MMP16: variants seen among roughly 807,000 people sequenced by gnomAD.
MMP16 encodes matrix metalloproteinase-16.
MMP16 carries 12 observed loss-of-function variants against 67.8 expected under a neutral mutation model. That is an observed-to-expected ratio of 0.18 (90% CI 0.11 to 0.29). The LOEUF (loss-of-function observed/expected upper bound fraction) is 0.29, where lower values mean the gene tolerates loss of function less well. Ranked by LOEUF, MMP16 falls within the 10% of genes least tolerant of loss-of-function variation. The pLI is 1.00. For missense variants in MMP16, 475 were observed against 765.7 expected (o/e 0.62, Z 4.48); for synonymous variants, 249 against 255.9 (o/e 0.97, Z 0.26).
intron 1 of MMP16, among the ~76,000 whole-genome samples, chr8:88,274,799 A>G (rs1422486805): frequency 6.6e-6 from 1 of 152,052 alleles, no homozygotes; most frequent in Non-Finnish European, 1.5e-5. Flanking sequence ...CAAAAAAGAG[A>G]TAATTACATG....
At position 88,075,800 on chromosome 8, in the gene MMP16, C is replaced by T. The variant is rs113992582; in HGVS notation, c.1084-1057G>A. 2.1e-3 allele frequency among the ~76,000 whole-genome samples: 324 copies of T among 152,060 alleles called. 1 individual carries two copies. Among genetic ancestry groups the T allele is most frequent in the Non-Finnish European group, 2.7e-3 (186 of 67,970 alleles). On this transcript the variant is annotated intron_variant, in intron 6 of 9. Transcript: ENST00000286614. Reference sequence around the variant, plus strand: ...TCACAAAAATACTTCCATTTTAATTCTCTGCTTTCTTTCTTGCTCTTTTCA... The same window carrying T: ...TCACAAAAATACTTCCATTTTAATTTTCTGCTTTCTTTCTTGCTCTTTTCA...
chr8:88,065,482 T>C (rs1227072463), intron 7 of MMP16, among the ~76,000 whole-genome samples: 1 of 152,074 alleles, frequency 6.6e-6, no homozygotes, highest in Non-Finnish European at 1.5e-5. Flanking sequence ...CAACATAAAA[T>C]ATTAATACTA....
chr8:88,262,765 G>A (rs1810406185), intron 1 of MMP16, among the ~76,000 whole-genome samples: 1 of 150,350 alleles, frequency 6.7e-6, no homozygotes, highest in Non-Finnish European at 1.5e-5. Context: ...CACTTTGGGA[G>A]GCCGAGGCGG....
intron 1 of MMP16, among the ~76,000 whole-genome samples, chr8:88,237,644 G>T (rs1809964657): frequency 6.9e-6 from 1 of 145,210 alleles, no homozygotes; most frequent in Admixed American, 7.1e-5. Context: ...GTGAGACTCC[G>T]ATTCAAAAAA....
chr8:88,281,514 T>C (rs891878114), intron 1 of MMP16, among the ~76,000 whole-genome samples: 2 of 152,234 alleles, frequency 1.3e-5, no homozygotes. Context: ...GAGATTGTTG[T>C]GGATGTTAAT....
At chr8:88,094,097 A>T (rs1808985162) in intron 6 of MMP16, among the ~76,000 whole-genome samples, 1 of 151,858 alleles carries the variant, frequency 6.6e-6, no homozygotes. Context: ...TTTTACATAT[A>T]ACATAACTAC....
intron 4 of MMP16, among the ~76,000 whole-genome samples, chr8:88,165,725 C>T (rs1352799914): frequency 1.3e-5 from 2 of 152,004 alleles, no homozygotes; most frequent in East Asian, 1.9e-4. Context: ...GTATAGAGTA[C>T]GTTAAACATG....
At chr8:88,310,302 G>A (rs1811275714) in intron 1 of MMP16, among the ~76,000 whole-genome samples, 1 of 152,054 alleles carries the variant, frequency 6.6e-6, no homozygotes, top group Admixed American at 6.6e-5. Context: ...TCATATGATG[G>A]AGATGATTTT....
intron 1 of MMP16, among the ~76,000 whole-genome samples, chr8:88,298,683 T>C (rs1304499701): frequency 6.6e-6 from 1 of 152,204 alleles, no homozygotes; most frequent in Non-Finnish European, 1.5e-5. Context: ...CTCTGCTCCA[T>C]GGCACAGGAA....
In MMP16 at chr8:88,041,957, T is replaced by C. The variant is rs532350559; in HGVS notation, c.1490-162A>G. Reference sequence around the variant, plus strand: ...TTTTCAGCTCAGCTGTCTGTTAAGATGGCTGTGGCTGCTGTGCTCCAGGAA... The same window carrying C: ...TTTTCAGCTCAGCTGTCTGTTAAGACGGCTGTGGCTGCTGTGCTCCAGGAA... On this transcript the variant is annotated intron_variant, in intron 9 of 9. Transcript: ENST00000286614. This position sits in a 1 kb window ranked among gnomAD's most constrained non-coding sequence, Gnocchi z 6.0. Among the ~76,000 whole-genome samples, 1 of 152,334 alleles carries C rather than the reference T, an allele frequency of 6.6e-6. No individual in the cohort carries two copies. The highest frequency in any genetic ancestry group is 2.4e-5 in the African/African-American group (1 of 41,584).
intron 1 of MMP16, among the ~76,000 whole-genome samples, chr8:88,320,474 A>G (rs1195816182): frequency 2.0e-5 from 3 of 152,158 alleles, no homozygotes; most frequent in African/African-American, 7.2e-5. Context: ...GAGAAATGTA[A>G]AGCATTCCTG....
chr8:88,045,799 C>A (rs574101980), intron 9 of MMP16, among the ~76,000 whole-genome samples: 1 of 152,084 alleles, frequency 6.6e-6, no homozygotes, highest in African/African-American at 2.4e-5. Context: ...CAAGAGATGC[C>A]TATTTTTGCT....
intron 1 of MMP16, among the ~76,000 whole-genome samples, chr8:88,229,139 G>A (rs971970781): frequency 6.6e-6 from 1 of 152,056 alleles, no homozygotes; most frequent in African/African-American, 2.4e-5. Context: ...ATGGAAAAAT[G>A]CAAAGGAAGA....
intron 4 of MMP16, among the ~76,000 whole-genome samples, chr8:88,135,634 A>C (rs1049005313): frequency 4.6e-5 from 7 of 151,906 alleles, no homozygotes; most frequent in Admixed American, 4.6e-4. Flanking sequence ...CATAACAGAC[A>C]TATAAAGAGG....
chr8:88,284,349 T>C (rs1480195024), intron 1 of MMP16, among the ~76,000 whole-genome samples: 1 of 152,188 alleles, frequency 6.6e-6, no homozygotes, highest in Non-Finnish European at 1.5e-5. Context: ...ATATCAAATA[T>C]GTCCATACCT....
Position 88,034,761 on chromosome 8 carries a change from C to A in MMP16, c.*6700G>T, listed in dbSNP as rs1274481022. On this transcript the variant is annotated 3_prime_UTR_variant, in exon 10 of 10. Coordinates refer to ENST00000286614, the MANE Select transcript of MMP16 (RefSeq NM_005941.5). ...ATTATGTAACGGCAAATGAAACATGCATCCTAGTGACTTTTCAAATAGACA... is the reference window on the plus strand; with the variant it reads ...ATTATGTAACGGCAAATGAAACATGAATCCTAGTGACTTTTCAAATAGACA... 6.6e-6 allele frequency: 1 copy of A among 151,900 alleles called. No individual in the cohort carries two copies. Among genetic ancestry groups the A allele is most frequent in the African/African-American group, 2.4e-5 (1 of 41,364 alleles). 9.4% of individuals were successfully genotyped at this position (151,900 alleles called of 1,614,324 possible). A position where few individuals can be genotyped will look rare whatever the true frequency, so the allele number is the denominator to read the frequency against.
At chr8:88,214,293 T>C (rs1809554927) in intron 1 of MMP16, among the ~76,000 whole-genome samples, 1 of 152,206 alleles carries the variant, frequency 6.6e-6, no homozygotes, top group Non-Finnish European at 1.5e-5. Flanking sequence ...CCCAGTCTTC[T>C]GTTATTTATA....
intron 1 of MMP16, among the ~76,000 whole-genome samples, chr8:88,244,995 G>C (rs1810091022): frequency 6.6e-6 from 1 of 152,106 alleles, no homozygotes; most frequent in African/African-American, 2.4e-5. Context: ...AGAAATTGAG[G>C]TCGGGTAGGG....
chr8:88,051,927 G>C (rs945465309), intron 8 of MMP16, among the ~76,000 whole-genome samples: 1 of 152,088 alleles, frequency 6.6e-6, no homozygotes, highest in Admixed American at 6.5e-5. Context: ...TAACAAAAGG[G>C]CAAGTAGGAA....
Sources: gnomAD v4.1 joint callset for allele counts (sites outside exome capture counted in the v4.1 genomes callset) on GRCh38, gnomAD v4.1.1 for gene constraint, Gnocchi (gnomAD v3.1) non-coding constraint, MANE v1.5 for transcripts, NCBI Gene and HGNC (gene_info 2026-07-23, HGNC 2026-07-21) for gene names.